CCDC25: variants seen among roughly 807,000 people sequenced by gnomAD.
The protein encoded by CCDC25 is coiled-coil domain containing 25, also known as coiled-coil domain-containing protein 25.
CCDC25 carries 16 observed loss-of-function variants against 35.3 expected under a neutral mutation model. The ratio of observed to expected loss-of-function variants is 0.45; its 90% confidence interval spans 0.31 to 0.69. CCDC25 has a LOEUF of 0.69. Among genes scored for constraint, CCDC25 ranks in the 30% least tolerant of loss-of-function variants. The probability of loss-of-function intolerance (pLI) is 0.06; values close to 1 mark genes in which losing one functional copy is unlikely to be tolerated. For synonymous variants in CCDC25, 79 were observed against 80.3 expected, an observed-to-expected ratio of 0.98 and a Z score of 0.09; for missense variants, 179 against 250.7, an observed-to-expected ratio of 0.71 and a Z score of 1.93.
At chr8:27,758,667 A>G (rs1042890162) in intron 3 of CCDC25, among the ~76,000 whole-genome samples, 1 of 152,218 alleles carries the variant, frequency 6.6e-6, no homozygotes, top group African/African-American at 2.4e-5. Context: ...ACTGAAAAGT[A>G]ACTTTACCCA....
intron 1 of CCDC25, chr8:27,772,209 A>G: frequency 1.9e-6 from 1 of 532,402 alleles, no homozygotes; most frequent in South Asian, 2.3e-5. Context: ...GGAGGAGCCC[A>G]CAGGCTCTGC....
At chr8:27,741,423 G>T (rs1051423361) in intron 7 of CCDC25, among the ~76,000 whole-genome samples, 30 of 152,358 alleles carry the variant, frequency 2.0e-4, no homozygotes, top group Middle Eastern at 3.4e-3. Flanking sequence ...GCTCACGCCT[G>T]TAATCCCAGC....
intron 4 of CCDC25, chr8:27,754,381 A>T (rs1803922327): frequency 1.3e-5 from 2 of 152,372 alleles, no homozygotes; most frequent in South Asian, 4.1e-4. Context: ...GGATGTCAAG[A>T]TGGAATGTGG....
intron 3 of CCDC25, among the ~76,000 whole-genome samples, chr8:27,760,896 C>T (rs1029807330): frequency 1.3e-5 from 2 of 152,168 alleles, no homozygotes; most frequent in African/African-American, 2.4e-5. Context: ...GAGTCCAACG[C>T]GGGTAGATCA....
At chr8:27,755,053 G>A (rs996890369) in intron 4 of CCDC25, among the ~76,000 whole-genome samples, 1 of 152,128 alleles carries the variant, frequency 6.6e-6, no homozygotes, top group Non-Finnish European at 1.5e-5. Context: ...ACATGACAAG[G>A]TTCAAGGGTG....
chr8:27,765,476 T>C (rs1351751304), intron 1 of CCDC25, among the ~76,000 whole-genome samples: 1 of 151,962 alleles, frequency 6.6e-6, no homozygotes, highest in Non-Finnish European at 1.5e-5. Flanking sequence ...GCCACGGAGA[T>C]TGTAGGTGAC....
At chr8:27,767,555 A>G (rs1804441967) in intron 1 of CCDC25, among the ~76,000 whole-genome samples, 2 of 152,224 alleles carry the variant, frequency 1.3e-5, no homozygotes. Context: ...TAACAATGCC[A>G]TGAAAGACAA....
rs930422371 is a variant in CCDC25 at position 27,752,400 on chromosome 8, A to G, written c.244+112T>C. On this transcript the variant is annotated intron_variant, in intron 5 of 8. Coordinates refer to ENST00000356537, the MANE Select transcript of CCDC25 (RefSeq NM_018246.3). ...ACAAAACATGGCAAAGGCACAGCAC[A>G]TGTTATTCTTTGATGGAGGCCAAAG... 1.4e-5 allele frequency: 11 copies of G among 789,870 alleles called. No homozygotes were observed. In the East Asian group the frequency reaches 2.2e-4, roughly 15 times the overall value. 48.9% of individuals were successfully genotyped at this position (789,870 alleles called of 1,614,324 possible).
At chr8:27,754,304 G>A (rs1469450821) in intron 4 of CCDC25, among the ~76,000 whole-genome samples, 1 of 152,062 alleles carries the variant, frequency 6.6e-6, no homozygotes, top group Non-Finnish European at 1.5e-5. Context: ...TAACAAATAT[G>A]AAAATTATAT....
chr8:27,738,603 T>G (rs944280244), intron 8 of CCDC25, among the ~76,000 whole-genome samples: 11 of 48,442 alleles, frequency 2.3e-4, no homozygotes, highest in Admixed American at 1.3e-3. Flanking sequence ...GGTAGGTAGG[T>G]GTGTGTGTGT....
At chr8:27,768,497 A>T (rs986992655) in intron 1 of CCDC25, among the ~76,000 whole-genome samples, 1 of 150,840 alleles carries the variant, frequency 6.6e-6, no homozygotes, top group Middle Eastern at 3.4e-3. Context: ...CCTAGGAGGC[A>T]GAAGTCGCAG....
intron 5 of CCDC25, among the ~76,000 whole-genome samples, chr8:27,751,020 G>T (rs1691120666): frequency 6.6e-6 from 1 of 152,228 alleles, no homozygotes; most frequent in Non-Finnish European, 1.5e-5. Flanking sequence ...CTTGGGCATA[G>T]GTCCTTATTT....
chr8:27,757,634 G>C (rs946211495), intron 3 of CCDC25, among the ~76,000 whole-genome samples: 1 of 152,076 alleles, frequency 6.6e-6, no homozygotes, highest in Non-Finnish European at 1.5e-5. Flanking sequence ...TTCACCCAAT[G>C]AACTTGACTT....
Position 27,744,076 on chromosome 8 carries a change from A to G in CCDC25, c.552-3559T>C, listed in dbSNP as rs114078243. The stretch of plus-strand genomic sequence containing the variant: ...AAATATTTTATATGTTGAGGACCCT[A>G]AGGAAGAAAGCCCAGAAGATATAAA... On this transcript the variant is annotated intron_variant, in intron 7 of 8. Transcript: ENST00000356537. Among the ~76,000 whole-genome samples, 1,304 of 152,292 alleles carry G rather than the reference A, an allele frequency of 8.6e-3. 24 individuals carry two copies. The highest frequency in any genetic ancestry group is 0.03 in the African/African-American group (1,242 of 41,558).
chr8:27,748,792 C>T (rs998478227), intron 5 of CCDC25, among the ~76,000 whole-genome samples, 194 bp from the exon 6 acceptor site: 13 of 152,158 alleles, frequency 8.5e-5, no homozygotes, highest in South Asian at 4.1e-4. Context: ...AAAATTCAAA[C>T]GGAAGTATTA....
chr8:27,764,991 C>A (rs17057810), intron 2 of CCDC25, among the ~76,000 whole-genome samples: 16,008 of 152,224 alleles, frequency 0.11, 938 homozygotes, highest in East Asian at 0.23. Flanking sequence ...TAAATCATCA[C>A]AAGTAACATT....
intron 8 of CCDC25, among the ~76,000 whole-genome samples, chr8:27,740,256 C>T (rs1370862378): frequency 6.6e-6 from 1 of 152,214 alleles, no homozygotes; most frequent in Non-Finnish European, 1.5e-5. Context: ...CTGACAATCT[C>T]TTTCCCTGAG....
intron 5 of CCDC25, among the ~76,000 whole-genome samples, chr8:27,749,349 T>C (rs368178416): frequency 5.3e-5 from 8 of 152,262 alleles, no homozygotes; most frequent in African/African-American, 1.9e-4. Context: ...GCTTATTAAA[T>C]CCCCATGTAC....
chr8:27,766,939 CAT>C (rs149192072), intron 1 of CCDC25, among the ~76,000 whole-genome samples: 19,640 of 151,982 alleles, frequency 0.13, 1,479 homozygotes, highest in East Asian at 0.33. Context: ...TATACATACA[CAT>C]ACATGTTTTA....
Sources: gnomAD v4.1 joint callset for allele counts (sites outside exome capture counted in the v4.1 genomes callset) on GRCh38, gnomAD v4.1.1 for gene constraint, MANE v1.5 for transcripts, NCBI Gene and HGNC (gene_info 2026-07-23, HGNC 2026-07-21) for gene names.